CCDC102B: variants seen among roughly 807,000 people sequenced by gnomAD.
CCDC102B encodes coiled-coil domain containing 102B.
Under a neutral mutation model 57.4 loss-of-function variants are expected in CCDC102B, and 75 were observed. That is an observed-to-expected ratio of 1.31 (90% CI 1.08 to 1.58). The LOEUF (loss-of-function observed/expected upper bound fraction) is 1.58. Among genes scored for constraint, CCDC102B ranks in the 40% most tolerant of loss-of-function variants. The pLI is 0.00. For missense variants in CCDC102B, 636 were observed against 582.6 expected (o/e 1.09, Z -0.94); for synonymous variants, 206 against 201.9 (o/e 1.02, Z -0.17).
At chr18:68,997,624 A>G (rs1468811858) in intron 6 of CCDC102B, among the ~76,000 whole-genome samples, 1 of 152,064 alleles carries the variant, frequency 6.6e-6, no homozygotes, top group Non-Finnish European at 1.5e-5. Context: ...AATTTTTTTC[A>G]GAACATTTTT....
intron 2 of CCDC102B, among the ~76,000 whole-genome samples, chr18:68,725,135 A>C (rs2032534843): frequency 6.6e-6 from 1 of 152,208 alleles, no homozygotes; most frequent in Non-Finnish European, 1.5e-5. Flanking sequence ...GAACAGCATC[A>C]GAGAAATTGC....
At chr18:68,912,802 T>C (rs553106615) in intron 6 of CCDC102B, among the ~76,000 whole-genome samples, 4 of 152,326 alleles carry the variant, frequency 2.6e-5, no homozygotes, top group Admixed American at 2.6e-4. Flanking sequence ...TCTCATAATT[T>C]CTAAATGCAG....
rs116935092 is a variant in CCDC102B at position 68,866,219 on chromosome 18, A to G, written c.937-8450A>G. The stretch of plus-strand genomic sequence containing the variant: ...AATTCATCCCAAAAGAAACTTTTTA[A>G]AATATTTGAGGGGTTATAGTAATAA... On this transcript the variant is annotated intron_variant, in intron 4 of 7. Coordinates refer to ENST00000360242, the MANE Select transcript of CCDC102B (RefSeq NM_024781.3). Among the ~76,000 whole-genome samples the G allele has an allele frequency of 2.6e-3, 401 of 152,294 alleles. 1 individual carries two copies. Among genetic ancestry groups the G allele is most frequent in the Non-Finnish European group, 4.4e-3 (296 of 68,008 alleles).
At chr18:68,842,138 C>T (rs2037663128) in intron 3 of CCDC102B, among the ~76,000 whole-genome samples, 1 of 151,812 alleles carries the variant, frequency 6.6e-6, no homozygotes, top group Admixed American at 6.6e-5. Flanking sequence ...AGGTTAGAAG[C>T]TTCAGCAAAT....
Position 69,021,894 on chromosome 18 carries a change from G to A in CCDC102B, c.1434+10790G>A, listed in dbSNP as rs552542776. Among the ~76,000 whole-genome samples the A allele has an allele frequency of 3.3e-5, 5 of 152,154 alleles. No individual in the cohort carries two copies. In the East Asian group the frequency reaches 7.7e-4, roughly 24 times the overall value. Reference sequence around the variant, plus strand: ...CCAATAATTTCATTCTCCCCGGTGTGGATGATTTATACGTTATTGCTTCTT... The same window carrying A: ...CCAATAATTTCATTCTCCCCGGTGTAGATGATTTATACGTTATTGCTTCTT... On this transcript the variant is annotated intron_variant, in intron 7 of 7. Coordinates refer to ENST00000360242, the MANE Select transcript of CCDC102B (RefSeq NM_024781.3).
rs2051495042 is a variant in CCDC102B at position 69,010,832 on chromosome 18, T to G, written c.1264-102T>G. On this transcript the variant is annotated intron_variant, in intron 6 of 7. Transcript: ENST00000360242. ...AAATGAAGATGATGGCTCATCTAAA[T>G]TCTTCCTAAAATGTTTTTCTCTTTT... 6.3e-6 allele frequency: 5 copies of G among 792,850 alleles called. No homozygotes were observed. In the South Asian group the frequency reaches 1.3e-4, roughly 21 times the overall value. The allele number at this position is 792,850 out of a possible 1,614,324, so 49.1% of individuals were successfully genotyped here.
intron 6 of CCDC102B, among the ~76,000 whole-genome samples, chr18:68,983,443 C>T (rs1374630301): frequency 2.0e-5 from 3 of 151,936 alleles, no homozygotes; most frequent in Non-Finnish European, 4.4e-5. Context: ...TATGAGCTGA[C>T]TATAAAATTC....
intron 7 of CCDC102B, among the ~76,000 whole-genome samples, chr18:69,051,620 T>A (rs1261379152): frequency 6.6e-6 from 1 of 151,948 alleles, no homozygotes; most frequent in Non-Finnish European, 1.5e-5. Context: ...TACTATTGTA[T>A]GTAAAACTTT....
At chr18:68,794,033 T>C (rs570958463), upstream of CCDC102B, among the ~76,000 whole-genome samples, 8 of 152,296 alleles carry the variant, frequency 5.3e-5, no homozygotes, top group South Asian at 1.7e-3. Context: ...TTTCTCCAGC[T>C]AGATACTATT....
downstream of CCDC102B, chr18:69,055,303 C>A: frequency 3.4e-6 from 1 of 290,192 alleles, no homozygotes; most frequent in Non-Finnish European, 5.1e-6. Flanking sequence ...GCAAAGAGGC[C>A]CGATCTTCAA....
chr18:68,758,935 A>C (rs2034152711), intron 2 of CCDC102B, among the ~76,000 whole-genome samples: 1 of 151,294 alleles, frequency 6.6e-6, no homozygotes. Flanking sequence ...AGAGAAAAAA[A>C]CCTAAAAAAA....
At chr18:68,744,742 C>G (rs1175743677) in intron 2 of CCDC102B, among the ~76,000 whole-genome samples, 1 of 152,114 alleles carries the variant, frequency 6.6e-6, no homozygotes, top group Non-Finnish European at 1.5e-5. Context: ...CAGCCAAGAC[C>G]CCAGAGATGG....
rs1256114258 is a variant in CCDC102B at position 69,054,505 on chromosome 18, CT to C, written c.*371del. The C allele has an allele frequency of 1.0e-6, 1 of 1,000,572 alleles. No homozygotes were observed. Among genetic ancestry groups the C allele is most frequent in the Admixed American group, 6.0e-5 (1 of 16,766 alleles). The allele number at this position is 1,000,572 out of a possible 1,614,324, so 62.0% of individuals were successfully genotyped here. ...GGGTCATTAATAAGAAAACCATTGACTTTAAGTATAAAGTACTGGTTTGTTT... is the reference window on the plus strand; with the variant it reads ...GGGTCATTAATAAGAAAACCATTGACTTAAGTATAAAGTACTGGTTTGTTT... On this transcript the variant is annotated 3_prime_UTR_variant, in exon 8 of 8. Coordinates refer to ENST00000360242, the MANE Select transcript of CCDC102B (RefSeq NM_024781.3).
At chr18:68,957,561 T>TTG (rs1555733502) in intron 6 of CCDC102B, among the ~76,000 whole-genome samples, 1 of 150,828 alleles carries the variant, frequency 6.6e-6, no homozygotes, top group African/African-American at 2.4e-5. Context: ...CTTCCAGTTT[T>TTG]TTTTTTTTTT....
intron 7 of CCDC102B, among the ~76,000 whole-genome samples, chr18:69,038,221 TAAAC>T (rs2052346274): frequency 6.6e-6 from 1 of 151,916 alleles, no homozygotes; most frequent in Non-Finnish European, 1.5e-5. Flanking sequence ...GAAATCCAAA[TAAAC>T]ATTTTAATGT....
At chr18:69,001,492 G>GA (rs35354723) in intron 6 of CCDC102B, among the ~76,000 whole-genome samples, 16 of 146,412 alleles carry the variant, frequency 1.1e-4, no homozygotes, top group African/African-American at 3.8e-4. Flanking sequence ...GGACAAAAGG[G>GA]AAAAAAAAAA....
intron 6 of CCDC102B, among the ~76,000 whole-genome samples, chr18:68,979,802 TCTC>T (rs906690491): frequency 6.6e-6 from 1 of 151,930 alleles, no homozygotes; most frequent in East Asian, 1.9e-4. Flanking sequence ...TCCATTCTGC[TCTC>T]CTCCTCTGAT....
intron 1 of CCDC102B, among the ~76,000 whole-genome samples, chr18:68,801,143 A>G (rs745982038): frequency 6.6e-6 from 1 of 152,136 alleles, no homozygotes; most frequent in Non-Finnish European, 1.5e-5. Flanking sequence ...ACGAAAACAG[A>G]TGAGGATAGT....
At chr18:68,870,670 G>A (rs1019930832) in intron 4 of CCDC102B, among the ~76,000 whole-genome samples, 1 of 152,156 alleles carries the variant, frequency 6.6e-6, no homozygotes, top group Admixed American at 6.5e-5. Flanking sequence ...CTCTATGAAA[G>A]AAGTTGAAAG....
Sources: gnomAD v4.1 joint callset for allele counts (sites outside exome capture counted in the v4.1 genomes callset) on GRCh38, gnomAD v4.1.1 for gene constraint, MANE v1.5 for transcripts, NCBI Gene and HGNC (gene_info 2026-07-23, HGNC 2026-07-21) for gene names.